The following CHD8 variants were observed in gnomAD, a reference collection of about 807,000 sequenced individuals.
The protein encoded by CHD8 is ATP-dependent chromatin remodeler CHD8.
Under a neutral mutation model 279.2 loss-of-function variants are expected in CHD8, and 31 were observed. That is an observed-to-expected ratio of 0.11 (90% confidence interval 0.08 to 0.15). The LOEUF (loss-of-function observed/expected upper bound fraction) is 0.15. CHD8 is among the 10% of genes least tolerant of loss of function. CHD8 has a pLI of 1.00. For missense variants in CHD8, 2,146 were observed against 3,230.5 expected (o/e 0.66, Z 8.14); for synonymous variants, 1,081 against 1,139.6 (o/e 0.95, Z 1.04).
At chr14:21,437,644 C>G (rs1441507077) in intron 1 of CHD8, among the ~76,000 whole-genome samples, 2 of 152,192 alleles carry the variant, frequency 1.3e-5, no homozygotes, top group African/African-American at 4.8e-5. Context: ...GCAGCCCTGT[C>G]AACCCCTCTC....
chr14:21,423,553 C>A (rs1453174001), intron 5 of CHD8, among the ~76,000 whole-genome samples: 3 of 151,744 alleles, frequency 2.0e-5, no homozygotes, highest in Non-Finnish European at 4.4e-5. Context: ...TCAGGGGGTG[C>A]AGTAACAGTC....
At chr14:21,398,067 AAGTT>A in intron 26 of CHD8, 115 bp from the exon 27 acceptor site, 9 of 974,414 alleles carry the variant, frequency 9.2e-6, no homozygotes, top group South Asian at 1.9e-5. Flanking sequence ...ATGGAAAACA[AAGTT>A]AGAATGTTAT....
At chr14:21,390,703 G>A (rs1225221352) in intron 37 of CHD8, among the ~76,000 whole-genome samples, 12 of 151,496 alleles carry the variant, frequency 7.9e-5, no homozygotes, top group Non-Finnish European at 1.2e-4. Context: ...GCTTGAACCC[G>A]GCGGGCGGAG....
chr14:21,403,855 T>C lies in CHD8; in HGVS notation c.3308-192A>G, dbSNP rs940799357. Among the ~76,000 whole-genome samples the C allele has an allele frequency of 7.2e-5, 11 of 152,102 alleles. No homozygotes were observed. The highest frequency in any genetic ancestry group is 1.3e-4 in the Admixed American group (2 of 15,272). The stretch of plus-strand genomic sequence containing the variant: ...GGCTCATGCCTGTAATCCCAACACT[T>C]TGGGAGGCCGAGGCAGGTGGATCAC... On this transcript the variant is annotated intron_variant, in intron 16 of 37. Transcript: ENST00000646647. This position sits in a 1 kb window ranked among gnomAD's most constrained non-coding sequence, Gnocchi z 4.3.
chr14:21,395,491 C>A, intron 28 of CHD8, 139 bp from the exon 29 acceptor site: 1 of 633,350 alleles, frequency 1.6e-6, no homozygotes. Context: ...TATATCCCCA[C>A]AAAAACTTGG....
intron 5 of CHD8, among the ~76,000 whole-genome samples, chr14:21,417,865 A>AT (rs1555316808): frequency 1.1e-3 from 112 of 98,364 alleles, no homozygotes; most frequent in African/African-American, 3.2e-3. Flanking sequence ...AAAAAAAAAA[A>AT]ATATATATAT....
At chr14:21,411,018 AATAGT>A (rs1888470877) in intron 10 of CHD8, among the ~76,000 whole-genome samples, 1 of 152,230 alleles carries the variant, frequency 6.6e-6, no homozygotes, top group African/African-American at 2.4e-5. Context: ...GGGTATATAG[AATAGT>A]ATTAGCCAAT....
chr14:21,393,802 G>T lies in CHD8; in HGVS notation c.5993C>A (p.Pro1998His). Residue 1998 changes from proline to histidine, a missense_variant, in exon 32 of 38, where the codon CCC (proline) becomes CAC (histidine). By Grantham distance (77) the Pro-to-His change is moderately conservative (BLOSUM62 -2). Coordinates refer to ENST00000646647, the MANE Select transcript of CHD8 (RefSeq NM_001170629.2). ...TTCAACAGGAGCATCTGGGCGCAGGGGCAGTGGTGAGGCAGTGCGTGAGGT... is the reference window on the plus strand; with the variant it reads ...TTCAACAGGAGCATCTGGGCGCAGGTGCAGTGGTGAGGCAGTGCGTGAGGT... ...QYTSRTASPL[P>H]LRPDAPVEKS... The T allele has an allele frequency of 6.2e-7, 1 of 1,613,978 alleles. No homozygotes were observed.
intron 1 of CHD8, among the ~76,000 whole-genome samples, chr14:21,452,728 G>A (rs1890286444): frequency 6.6e-6 from 1 of 151,964 alleles, no homozygotes; most frequent in African/African-American, 2.4e-5. Flanking sequence ...GCTGACGCCT[G>A]TAATCCCAGC....
At chr14:21,412,416 T>C (rs1002248121) in intron 10 of CHD8, among the ~76,000 whole-genome samples, 1 of 152,130 alleles carries the variant, frequency 6.6e-6, no homozygotes. Context: ...AGTGCTGGGA[T>C]TACAGGTGTG....
rs1888009627 is a variant in CHD8, at chr14:21,401,075, T to C, written c.4174-4A>G. On this transcript the variant is annotated splice_polypyrimidine_tract_variant and splice_region_variant and intron_variant, in intron 21 of 37. Coordinates refer to ENST00000646647, the MANE Select transcript of CHD8 (RefSeq NM_001170629.2). ...GTGTGTCAATTACCAAATTATTCTA[T>C]GAAGAGAACAGAAGGAGAAGTAATT... is the stretch of plus-strand genomic sequence containing the variant. 4 of 1,594,356 alleles carry C rather than the reference T, an allele frequency of 2.5e-6. No individual in the cohort carries two copies. Among genetic ancestry groups the C allele is most frequent in the East Asian group, 2.2e-5 (1 of 44,642 alleles).
intron 1 of CHD8, among the ~76,000 whole-genome samples, chr14:21,432,816 C>A (rs1031906812): frequency 3.9e-5 from 6 of 152,186 alleles, no homozygotes; most frequent in Non-Finnish European, 8.8e-5. Context: ...TAAATACCCA[C>A]ACCATTGTTT....
intron 1 of CHD8, among the ~76,000 whole-genome samples, chr14:21,435,636 A>T (rs557274935): frequency 2.6e-5 from 4 of 152,310 alleles, no homozygotes; most frequent in African/African-American, 9.6e-5. Flanking sequence ...CAACCAGGGG[A>T]TGGAGACTAA....
At chr14:21,421,136 C>T (rs1889024914) in intron 5 of CHD8, among the ~76,000 whole-genome samples, 1 of 152,040 alleles carries the variant, frequency 6.6e-6, no homozygotes, top group African/African-American at 2.4e-5. Flanking sequence ...GGCCAAAGGA[C>T]AAAAAATTAA....
intron 37 of CHD8, 135 bp downstream of exon 37, chr14:21,390,812 G>A: frequency 1.7e-6 from 1 of 583,136 alleles, no homozygotes; most frequent in East Asian, 2.8e-5. Flanking sequence ...TTCCTTATTG[G>A]TGAACTCAAG....
Position 21,400,773 on chromosome 14 carries a change from C to T in CHD8, c.4370+102G>A, listed in dbSNP as rs770887305. The T allele has an allele frequency of 3.7e-6, 5 of 1,333,600 alleles. No homozygotes were observed. Among genetic ancestry groups the T allele is most frequent in the Non-Finnish European group, 5.1e-6 (5 of 975,014 alleles). 82.6% of individuals were successfully genotyped at this position (1,333,600 alleles called of 1,614,324 possible). A position where few individuals can be genotyped will look rare whatever the true frequency, so the allele number is the denominator to read the frequency against. On this transcript the variant is annotated intron_variant, in intron 22 of 37. Transcript: ENST00000646647. This position sits in a 1 kb window ranked among gnomAD's most constrained non-coding sequence, Gnocchi z 4.2. The stretch of plus-strand genomic sequence containing the variant: ...CAAGGCAAATATTTTTTCACATTAT[C>T]CCTTCTTTGATCATAGCCCCCAATT...
In CHD8 at chr14:21,430,934, C is replaced by T. The variant is rs759628921; in HGVS notation, c.710G>A (p.Arg237His). The change falls in exon 2 of 38, where the codon CGC (arginine) becomes CAC (histidine). Residue 237 changes from arginine (R) to histidine (H), a missense_variant. Arg to His is a conservative substitution (Grantham distance 29). Coordinates refer to ENST00000646647, the MANE Select transcript of CHD8 (RefSeq NM_001170629.2). ...KVPGNQAAVQ[R>H]IVQPSRPVKQ... The stretch of plus-strand genomic sequence containing the variant: ...TACTGGTCGGCTGGGCTGGACAATG[C>T]GCTGAACAGCAGCCTGGTTCCCAGG... The T allele has an allele frequency of 1.4e-5, 23 of 1,599,356 alleles. No homozygotes were observed. The highest frequency in any genetic ancestry group is 2.2e-5 in the East Asian group (1 of 44,888).
intron 5 of CHD8, among the ~76,000 whole-genome samples, chr14:21,424,781 T>C (rs11852123): frequency 0.022 from 3,395 of 152,238 alleles, 133 homozygotes; most frequent in African/African-American, 0.077. Flanking sequence ...CAGCTATTCT[T>C]ACACAGTAAT....
intron 36 of CHD8, 75 bp downstream of exon 36, chr14:21,391,388 A>G: frequency 7.2e-7 from 1 of 1,385,182 alleles, no homozygotes; most frequent in Non-Finnish European, 1.0e-6. Context: ...ACAGTATGTC[A>G]TGCTTTCTCT....
Sources: allele counts gnomAD v4.1 joint callset (sites outside exome capture counted in the v4.1 genomes callset), GRCh38; gene constraint gnomAD v4.1.1; non-coding constraint Gnocchi (gnomAD v3.1); transcripts MANE v1.5; gene names NCBI Gene and HGNC (gene_info 2026-07-23, HGNC 2026-07-21).